The following MAST4 variants were observed in gnomAD, a reference collection of about 807,000 sequenced individuals.
MAST4 encodes the protein microtubule associated serine/threonine kinase family member 4.
In MAST4, 89 loss-of-function variants were observed where a neutral mutation model predicts 162.7. The observed-to-expected ratio is 0.55, with a 90% CI of 0.46 to 0.65. The LOEUF (loss-of-function observed/expected upper bound fraction) is 0.65. MAST4 is among the 30% of genes least tolerant of loss of function. The pLI, the probability that MAST4 is intolerant of heterozygous loss-of-function variation, is 0.00. For missense variants in MAST4, 3,153 were observed against 3,374.0 expected (o/e 0.93, Z 1.62); for synonymous variants, 1,479 against 1,361.1 (o/e 1.09, Z -1.91).
intron 4 of MAST4, among the ~76,000 whole-genome samples, chr5:66,931,368 T>C (rs7716802): frequency 0.086 from 13,072 of 152,184 alleles, 737 homozygotes; most frequent in African/African-American, 0.16. Flanking sequence ...TGTGAGTTTA[T>C]TTTTCTTGTT....
At chr5:66,824,876 G>A (rs1484385743) in intron 3 of MAST4, among the ~76,000 whole-genome samples, 1 of 152,124 alleles carries the variant, frequency 6.6e-6, no homozygotes, top group Admixed American at 6.6e-5. Context: ...CAATATAAAA[G>A]ATATTTTATA....
intron 3 of MAST4, chr5:66,789,708 G>A (rs199533207): frequency 5.0e-5 from 26 of 518,574 alleles, no homozygotes; most frequent in African/African-American, 1.7e-4. Context: ...TCCAGTCAAA[G>A]TGTTGCCTGA....
intron 3 of MAST4, among the ~76,000 whole-genome samples, chr5:66,892,202 A>G (rs1391303100): frequency 6.6e-6 from 1 of 152,208 alleles, no homozygotes; most frequent in African/African-American, 2.4e-5. Flanking sequence ...ATTGGAGCTT[A>G]TCCTTGAGAT....
chr5:66,721,523 G>C (rs994869116), intron 1 of MAST4, among the ~76,000 whole-genome samples: 3 of 151,410 alleles, frequency 2.0e-5, no homozygotes, highest in Non-Finnish European at 4.4e-5. Flanking sequence ...CTCCTTTGCT[G>C]GTTCTTCCTT....
chr5:67,149,667 G>A, intron 24 of MAST4, 78 bp downstream of exon 24: 1 of 1,385,974 alleles, frequency 7.2e-7, no homozygotes, highest in African/African-American at 1.4e-5. Flanking sequence ...TTGGAATGCT[G>A]AATGAGATGC....
chr5:66,947,273 C>T (rs10500565), intron 4 of MAST4, among the ~76,000 whole-genome samples: 8,266 of 152,066 alleles, frequency 0.054, 331 homozygotes, highest in Middle Eastern at 0.11. Context: ...GGGTTTGGAC[C>T]AGACCTGAGT....
intron 4 of MAST4, among the ~76,000 whole-genome samples, chr5:66,932,451 T>A (rs1742285912): frequency 6.6e-6 from 1 of 152,158 alleles, no homozygotes; most frequent in African/African-American, 2.4e-5. Context: ...GGTTGTATAT[T>A]TCAAGAAATA....
chr5:66,618,032 A>AGGGG (rs200289959), intron 1 of MAST4, among the ~76,000 whole-genome samples: 5 of 145,464 alleles, frequency 3.4e-5, no homozygotes, highest in Admixed American at 7.0e-5. Flanking sequence ...TCTGGGAGGA[A>AGGGG]TGGGGGGGGG....
intron 4 of MAST4, among the ~76,000 whole-genome samples, chr5:66,972,026 C>A (rs558334956): frequency 1.3e-5 from 2 of 152,064 alleles, no homozygotes; most frequent in African/African-American, 4.8e-5. Flanking sequence ...AGTCATTTCT[C>A]CAGCAGTAAC....
Position 66,744,204 on chromosome 5 carries a change from C to T in MAST4, c.364-15505C>T, listed in dbSNP as rs1054424344. The stretch of plus-strand genomic sequence containing the variant: ...CTCTTACCATTTGCCAGTTGCTCAG[C>T]GGTTATCTTTCTGTGTCTTTCTGAA... On this transcript the variant is annotated intron_variant, in intron 1 of 28. Transcript: ENST00000403625. Among the ~76,000 whole-genome samples, 14 of 152,132 alleles carry T rather than the reference C, an allele frequency of 9.2e-5. 1 individual carries two copies. The highest frequency in any genetic ancestry group is 1.9e-4 in the Non-Finnish European group (13 of 68,024).
chr5:67,152,751 G>A lies in MAST4; in HGVS notation c.3410G>A (p.Ser1137Asn). ...CGAGATTCCTCAGCAGCTTCTGCCA[G>A]TCCACATCAGCCGATTGTGATCCAC... is the stretch of plus-strand genomic sequence containing the variant. ...PSRDSSAASA[S>N]PHQPIVIHSS... The change falls in exon 25 of 29, where the codon AGT becomes AAT. Residue 1137 changes from serine to asparagine, a missense_variant. By Grantham distance (46) the Ser-to-Asn change is conservative (BLOSUM62 1). Around this residue, in one of 7 missense-constraint regions of MAST4, gnomAD observed 619 missense variants for 744.2 expected, o/e 0.83. Coordinates refer to ENST00000403625, the MANE Select transcript of MAST4 (RefSeq NM_001164664.2). 1 of 1,614,048 alleles carries A rather than the reference G, an allele frequency of 6.2e-7. No individual in the cohort carries two copies.
At chr5:66,643,769 C>A (rs1474392202) in intron 1 of MAST4, among the ~76,000 whole-genome samples, 1 of 151,748 alleles carries the variant, frequency 6.6e-6, no homozygotes, top group Non-Finnish European at 1.5e-5. Context: ...CTGTTTAAGT[C>A]ATGATTAAGT....
intron 3 of MAST4, among the ~76,000 whole-genome samples, chr5:66,822,119 G>A (rs543829658): frequency 6.6e-6 from 1 of 152,332 alleles, no homozygotes; most frequent in Admixed American, 6.5e-5. Context: ...TGCCCGGCCT[G>A]CCGAGTTTCT....
intron 5 of MAST4, among the ~76,000 whole-genome samples, chr5:67,075,284 A>T (rs1761500913): frequency 6.7e-6 from 1 of 149,238 alleles, no homozygotes; most frequent in African/African-American, 2.5e-5. Context: ...TGATCCTCCC[A>T]CCTCAGCCTC....
chr5:66,886,691 T>C (rs1444631241), intron 3 of MAST4, among the ~76,000 whole-genome samples: 4 of 148,726 alleles, frequency 2.7e-5, no homozygotes, highest in Non-Finnish European at 5.9e-5. Flanking sequence ...TGATCTAGTA[T>C]GCTTTTTATT....
At chr5:67,019,552 T>C (rs529655698) in intron 4 of MAST4, among the ~76,000 whole-genome samples, 58 of 152,320 alleles carry the variant, frequency 3.8e-4, no homozygotes, top group Non-Finnish European at 7.1e-4. Flanking sequence ...AGAAATGTTT[T>C]TTCTCCATAG....
intron 1 of MAST4, among the ~76,000 whole-genome samples, chr5:66,653,144 A>T (rs1467580904): frequency 1.3e-5 from 2 of 152,218 alleles, no homozygotes; most frequent in South Asian, 2.1e-4. Context: ...TTAAATATTC[A>T]TCATTAATAG....
At chr5:67,037,149 C>A (rs947846106) in intron 4 of MAST4, among the ~76,000 whole-genome samples, 25 of 152,104 alleles carry the variant, frequency 1.6e-4, no homozygotes, top group African/African-American at 5.3e-4. Flanking sequence ...AATCCCAGCA[C>A]TTTGGGAGGC....
At chr5:66,771,909 C>T (rs1754376357) in intron 2 of MAST4, among the ~76,000 whole-genome samples, 1 of 152,098 alleles carries the variant, frequency 6.6e-6, no homozygotes, top group Non-Finnish European at 1.5e-5. Flanking sequence ...GGCCCAGGCA[C>T]AAGTAGGTAT....
Sources: allele counts gnomAD v4.1 joint callset (sites outside exome capture counted in the v4.1 genomes callset), GRCh38; gene constraint gnomAD v4.1.1; regional missense constraint gnomAD v4.1.1; transcripts MANE v1.5; gene names NCBI Gene and HGNC (gene_info 2026-07-23, HGNC 2026-07-21).